SLC9B1: variants seen among roughly 807,000 people sequenced by gnomAD.
The protein encoded by SLC9B1 is sodium/hydrogen exchanger 9B1.
Under a neutral mutation model 51.7 loss-of-function variants are expected in SLC9B1, and 32 were observed. The ratio of observed to expected loss-of-function variants is 0.62; its 90% CI spans 0.47 to 0.83. The LOEUF (loss-of-function observed/expected upper bound fraction) is 0.83. Ranked by LOEUF, SLC9B1 falls within the 40% of genes least tolerant of loss-of-function variation. SLC9B1 has a pLI of 0.00. For synonymous variants in SLC9B1, 145 were observed against 212.7 expected (o/e 0.68, Z 2.77); for missense variants, 406 against 613.2 (o/e 0.66, Z 3.57).
intron 1 of SLC9B1, among the ~76,000 whole-genome samples, chr4:102,993,341 A>T (rs183048033): frequency 1.3e-4 from 20 of 152,318 alleles, no homozygotes; most frequent in Non-Finnish European, 2.5e-4. Flanking sequence ...CAAGTCCGAA[A>T]TCCAATAGGG....
chr4:102,972,131 C>T (rs1738796374), intron 3 of SLC9B1, among the ~76,000 whole-genome samples: 1 of 152,174 alleles, frequency 6.6e-6, no homozygotes, highest in South Asian at 2.1e-4. Flanking sequence ...ATCCTCCCTA[C>T]CACATTTTAT....
intron 11 of SLC9B1, chr4:102,889,185 T>C (rs1409743393): frequency 7.9e-5 from 12 of 152,342 alleles, no homozygotes; most frequent in Admixed American, 6.5e-5. Flanking sequence ...ACAAGGTGTA[T>C]GTCCAAAATT....
chr4:102,937,083 T>C (rs1736758121), intron 6 of SLC9B1, among the ~76,000 whole-genome samples: 2 of 151,962 alleles, frequency 1.3e-5, no homozygotes, highest in South Asian at 4.2e-4. Context: ...CCAAAAGAAA[T>C]TGGGGGCCTA....
At chr4:102,947,054 A>G (rs932711305) in intron 4 of SLC9B1, among the ~76,000 whole-genome samples, 4 of 152,190 alleles carry the variant, frequency 2.6e-5, no homozygotes, top group African/African-American at 9.6e-5. Context: ...GCCAGATCAT[A>G]GAAAGGTCTC....
At chr4:102,997,367 T>C (rs1227340320) in intron 1 of SLC9B1, among the ~76,000 whole-genome samples, 1 of 152,208 alleles carries the variant, frequency 6.6e-6, no homozygotes, top group East Asian at 1.9e-4. Context: ...ATTTTTTGTG[T>C]TTTCAATGTA....
At chr4:102,981,709 T>G (rs975155037) in intron 3 of SLC9B1, among the ~76,000 whole-genome samples, 2 of 152,196 alleles carry the variant, frequency 1.3e-5, no homozygotes, top group Non-Finnish European at 2.9e-5. Context: ...GTTGTTTGTT[T>G]TCTTTTTGGT....
In SLC9B1 at chr4:102,948,109, T is replaced by C. The variant is rs1359143719; in HGVS notation, c.382+1148A>G. On this transcript the variant is annotated intron_variant, in intron 4 of 11. Transcript: ENST00000296422. ...CTGGCTGAGAGTTTTCATATCACAT[T>C]GTCTATTGTCATGCATTTGTATGGT... 2.0e-5 allele frequency among the ~76,000 whole-genome samples: 3 copies of C among 152,210 alleles called. No individual in the cohort carries two copies. In the East Asian group the frequency reaches 5.8e-4, roughly 29 times the overall value.
chr4:102,946,081 T>C (rs1737251726), intron 5 of SLC9B1, among the ~76,000 whole-genome samples: 1 of 152,182 alleles, frequency 6.6e-6, no homozygotes, highest in African/African-American at 2.4e-5. Context: ...AGGTTTTTCT[T>C]ATCCTATGTT....
chr4:103,018,487 A>T (rs1283428705), intron 1 of SLC9B1, among the ~76,000 whole-genome samples: 1 of 152,176 alleles, frequency 6.6e-6, no homozygotes, highest in African/African-American at 2.4e-5. Flanking sequence ...TTGGGGCATG[A>T]ATTCTCTAGG....
At chr4:102,979,443 G>T (rs1373434101) in intron 3 of SLC9B1, among the ~76,000 whole-genome samples, 1 of 152,146 alleles carries the variant, frequency 6.6e-6, no homozygotes, top group Non-Finnish European at 1.5e-5. Context: ...CCAGCCTCTA[G>T]TGAACTCCAG....
intron 3 of SLC9B1, among the ~76,000 whole-genome samples, chr4:102,965,600 G>A (rs1300356035): frequency 1.3e-5 from 2 of 152,068 alleles, no homozygotes; most frequent in African/African-American, 2.4e-5. Flanking sequence ...CAGAGACACG[G>A]AAACCATGGC....
At chr4:102,909,591 G>GAA (rs1347446507) in intron 9 of SLC9B1, among the ~76,000 whole-genome samples, 1 of 152,010 alleles carries the variant, frequency 6.6e-6, no homozygotes, top group Non-Finnish European at 1.5e-5. Flanking sequence ...TGACAAGAGT[G>GAA]AAACTGTGTC....
chr4:103,014,166 T>C (rs1411599747), intron 1 of SLC9B1, among the ~76,000 whole-genome samples: 1 of 152,202 alleles, frequency 6.6e-6, no homozygotes, highest in Admixed American at 6.5e-5. Context: ...CTCTAAACTT[T>C]AGCCATACTA....
At chr4:102,985,275 G>A (rs772473020) in intron 3 of SLC9B1, among the ~76,000 whole-genome samples, 3 of 152,146 alleles carry the variant, frequency 2.0e-5, no homozygotes, top group Non-Finnish European at 4.4e-5. Flanking sequence ...TTTACCTAGT[G>A]TATTTAGACC....
chr4:102,998,597 T>C (rs1308004313), intron 1 of SLC9B1, among the ~76,000 whole-genome samples: 1 of 132,532 alleles, frequency 7.5e-6, no homozygotes, highest in African/African-American at 3.2e-5. Context: ...GGAACCATCA[T>C]CATATGGTTT....
chr4:102,995,965 T>C (rs1400021334), intron 1 of SLC9B1, among the ~76,000 whole-genome samples: 1 of 152,142 alleles, frequency 6.6e-6, no homozygotes, highest in East Asian at 1.9e-4. Flanking sequence ...GTTCAAACTA[T>C]GGATGCAGGA....
chr4:102,960,893 C>T (rs1051794464), intron 3 of SLC9B1, among the ~76,000 whole-genome samples: 12 of 151,818 alleles, frequency 7.9e-5, no homozygotes, highest in Admixed American at 2.0e-4. Context: ...GCACCATACC[C>T]GGCTAATTTG....
chr4:102,943,157 T>C (rs892701971), intron 6 of SLC9B1, among the ~76,000 whole-genome samples: 1 of 99,062 alleles, frequency 1.0e-5, no homozygotes, highest in African/African-American at 5.2e-5. Flanking sequence ...ATAGCCATAA[T>C]CAAAAAAATA....
rs981360085 is a variant in SLC9B1, at chr4:102,885,091, A to G, written c.*142T>C. ...TATTGTGTTATTTATTCACAGTTTT[A>G]TGGATCCATTAAAAAGGAATTAATG... On this transcript the variant is annotated 3_prime_UTR_variant, in exon 12 of 12. Transcript: ENST00000394789. The G allele has an allele frequency of 1.0e-5, 8 of 775,778 alleles. No individual in the cohort carries two copies. The African/African-American group carries it at 1.2e-4, about 12-fold the overall frequency. 48.1% of individuals were successfully genotyped at this position (775,778 alleles called of 1,614,324 possible). A position where few individuals can be genotyped will look rare whatever the true frequency, so the allele number is the denominator to read the frequency against.
Sources: gnomAD v4.1 joint callset for allele counts (sites outside exome capture counted in the v4.1 genomes callset) on GRCh38, gnomAD v4.1.1 for gene constraint, MANE v1.5 for transcripts, NCBI Gene and HGNC (gene_info 2026-07-23, HGNC 2026-07-21) for gene names.